The following KCNG4 variants were observed in gnomAD, a reference collection of about 807,000 sequenced individuals.
KCNG4 encodes potassium voltage-gated channel modifier subfamily G member 4, also known as voltage-gated potassium channel regulatory subunit KCNG4.
Under a neutral mutation model 28.2 loss-of-function variants are expected in KCNG4, and 30 were observed. That is an observed-to-expected ratio of 1.06 (90% CI 0.80 to 1.44). The LOEUF (loss-of-function observed/expected upper bound fraction) is 1.44. Ranked by LOEUF, KCNG4 falls within the 40% of genes most tolerant of loss-of-function variation. The pLI is 0.00. For synonymous variants in KCNG4, 375 were observed against 315.5 expected (o/e 1.19, Z -2.00); for missense variants, 879 against 712.3 (o/e 1.23, Z -2.66).
rs987338015 is a variant in KCNG4 at position 84,219,289 on chromosome 16, C to G, written c.*2928G>C. The G allele has an allele frequency of 6.6e-6, 1 of 152,472 alleles. No individual in the cohort carries two copies. Among genetic ancestry groups the G allele is most frequent in the African/African-American group, 2.4e-5 (1 of 41,462 alleles). 9.4% of individuals were successfully genotyped at this position (152,472 alleles called of 1,614,324 possible). On this transcript the variant is annotated 3_prime_UTR_variant, in exon 3 of 3. Transcript: ENST00000308251. ...GATCTAGTCCAACACCTGCCTGCAG[C>G]TAACTGAGGGGGAAGGGGCCTGCCC...
Position 84,222,144 on chromosome 16 carries a change from G to T in KCNG4, c.*73C>A. The T allele has an allele frequency of 6.7e-7, 1 of 1,487,136 alleles. No homozygotes were observed. Among genetic ancestry groups the T allele is most frequent in the Non-Finnish European group, 9.3e-7 (1 of 1,076,586 alleles). The allele number at this position is 1,487,136 out of a possible 1,614,324, so 92.1% of individuals were successfully genotyped here. A position where few individuals can be genotyped will look rare whatever the true frequency, so the allele number is the denominator to read the frequency against. Reference sequence around the variant, plus strand: ...CTAGAAACACCACCAGGTGGTCTATGCGGGGTACCCTTGAGTGTGTTTCAG... The same window carrying T: ...CTAGAAACACCACCAGGTGGTCTATTCGGGGTACCCTTGAGTGTGTTTCAG... On this transcript the variant is annotated 3_prime_UTR_variant, in exon 3 of 3. Transcript: ENST00000308251.
At chr16:84,223,834 C>T (rs1904634866) in intron 2 of KCNG4, among the ~76,000 whole-genome samples, 1 of 152,174 alleles carries the variant, frequency 6.6e-6, no homozygotes. Flanking sequence ...CCCGGGCATT[C>T]TGTGACTAGA....
At chr16:84,224,403 T>TACACACACACACACACATACACAC (rs568895266) in intron 2 of KCNG4, among the ~76,000 whole-genome samples, 7 of 58,642 alleles carry the variant, frequency 1.2e-4, no homozygotes, top group Non-Finnish European at 2.5e-4. Flanking sequence ...TATACATATT[T>TACACACACACACACACATACACAC]ACACACACAC....
chr16:84,235,495 G>A (rs8043973), intron 2 of KCNG4: 1 of 152,258 alleles, frequency 6.6e-6, no homozygotes, highest in African/African-American at 2.4e-5. Flanking sequence ...AAAACAAGCT[G>A]TTTAAAGGTC....
rs966070641 is a variant in KCNG4, at chr16:84,220,087, A to C, written c.*2130T>G. The C allele has an allele frequency of 6.6e-6, 1 of 152,068 alleles. No homozygotes were observed. Among genetic ancestry groups the C allele is most frequent in the South Asian group, 2.1e-4 (1 of 4,826 alleles). The allele number at this position is 152,068 out of a possible 1,614,324, so 9.4% of individuals were successfully genotyped here. ...ATAAATAAATAAATAAATAAGTAAT[A>C]AATAAAATGTTACTCTGGAACAGAA... is the stretch of plus-strand genomic sequence containing the variant. On this transcript the variant is annotated 3_prime_UTR_variant, in exon 3 of 3. Coordinates refer to ENST00000308251, the MANE Select transcript of KCNG4 (RefSeq NM_172347.3).
intron 2 of KCNG4, among the ~76,000 whole-genome samples, chr16:84,224,599 C>T (rs1321141691): frequency 1.3e-5 from 2 of 152,190 alleles, no homozygotes; most frequent in Non-Finnish European, 2.9e-5. Context: ...TTGAAATGTT[C>T]TTTATGCCTG....
intron 2 of KCNG4, among the ~76,000 whole-genome samples, chr16:84,233,078 T>C (rs1453849038): frequency 6.6e-6 from 1 of 151,936 alleles, no homozygotes; most frequent in African/African-American, 2.4e-5. Context: ...AATGAATGAA[T>C]GAATGAATGA....
chr16:84,225,133 T>C (rs1329838108), intron 2 of KCNG4, among the ~76,000 whole-genome samples: 1 of 152,116 alleles, frequency 6.6e-6, no homozygotes. Flanking sequence ...CACAGTCTCC[T>C]GGTCAGTGTA....
chr16:84,222,085 A>T lies in KCNG4; in HGVS notation c.*132T>A. 1 of 987,628 alleles carries T rather than the reference A, an allele frequency of 1.0e-6. No homozygotes were observed. Among genetic ancestry groups the T allele is most frequent in the Non-Finnish European group, 1.5e-6 (1 of 649,850 alleles). 61.2% of individuals were successfully genotyped at this position (987,628 alleles called of 1,614,324 possible). A position where few individuals can be genotyped will look rare whatever the true frequency, so the allele number is the denominator to read the frequency against. ...ACAGACACACAGCCTCTGTGGCCTT[A>T]TGCCCCTCCAGCTTTGAAAGTCTTC... is the stretch of plus-strand genomic sequence containing the variant. On this transcript the variant is annotated 3_prime_UTR_variant, in exon 3 of 3. Transcript: ENST00000308251.
chr16:84,232,489 C>G (rs904276399), intron 2 of KCNG4, among the ~76,000 whole-genome samples: 10 of 152,144 alleles, frequency 6.6e-5, no homozygotes, highest in African/African-American at 2.2e-4. Flanking sequence ...TGAGAAAAAG[C>G]TTTGGAACTA....
rs1481379381 is a variant in KCNG4 at position 84,237,020 on chromosome 16, G to C, written c.466C>G (p.His156Asp). 1.2e-6 allele frequency: 2 copies of C among 1,613,840 alleles called. No homozygotes were observed. The highest frequency in any genetic ancestry group is 2.2e-5 in the East Asian group (1 of 44,884). Residue 156 changes from histidine (H) to aspartate (D), a missense_variant, in exon 2 of 3, where the codon CAC (histidine) becomes GAC (aspartate). Coordinates refer to ENST00000308251, the MANE Select transcript of KCNG4 (RefSeq NM_172347.3). The part of the protein sequence containing the change: ...ELAYWGIEEA[H>D]LERCCLRKLL... ...TTCCGCAGGCAGCACCTCTCCAGGT[G>C]GGCCTCCTCGATGCCCCAGTAGGCC...
rs1171277974 is a variant in KCNG4, at chr16:84,222,179, T to G, written c.*38A>C. The G allele has an allele frequency of 2.5e-6, 4 of 1,596,072 alleles. No individual in the cohort carries two copies. The Admixed American group carries it at 5.0e-5, about 20-fold the overall frequency. ...CTTGAGTGTGTTTCAGGCAGGGTGATGGGTTGAGGTTACCATGTAGTCATG... is the reference window on the plus strand; with the variant it reads ...CTTGAGTGTGTTTCAGGCAGGGTGAGGGGTTGAGGTTACCATGTAGTCATG... On this transcript the variant is annotated 3_prime_UTR_variant, in exon 3 of 3. Transcript: ENST00000308251.
At chr16:84,227,942 G>T (rs1345627061) in intron 2 of KCNG4, among the ~76,000 whole-genome samples, 1 of 152,166 alleles carries the variant, frequency 6.6e-6, no homozygotes, top group Non-Finnish European at 1.5e-5. Flanking sequence ...AGCAGTGATG[G>T]CTGCACAGCT....
Position 84,222,551 on chromosome 16 carries a change from T to C in KCNG4, c.1226A>G (p.Tyr409Cys), listed in dbSNP as rs1567623221. 7 of 1,613,456 alleles carry C rather than the reference T, an allele frequency of 4.3e-6. No homozygotes were observed. The highest frequency in any genetic ancestry group is 2.2e-5 in the East Asian group (1 of 44,860). ...VLEFTSIPAS[Y>C]WWAIISMTTV... ...TGTCATGGAGATGATGGCCCACCAA[T>C]AGGAGGCGGGGATGCTGGTGAACTC... Residue 409 changes from tyrosine (Y) to cysteine (C), a missense_variant, in exon 3 of 3, where the codon TAT becomes TGT. Transcript: ENST00000308251.
intron 2 of KCNG4, among the ~76,000 whole-genome samples, chr16:84,228,020 T>C (rs1449466842): frequency 6.6e-6 from 1 of 152,200 alleles, no homozygotes; most frequent in Non-Finnish European, 1.5e-5. Flanking sequence ...ATGGGAGTTA[T>C]CGTCGGAGTC....
At chr16:84,227,637 T>G (rs1390952690) in intron 2 of KCNG4, among the ~76,000 whole-genome samples, 1 of 152,086 alleles carries the variant, frequency 6.6e-6, no homozygotes, top group African/African-American at 2.4e-5. Flanking sequence ...CATGGTAGTA[T>G]TATTCATAAT....
intron 2 of KCNG4, among the ~76,000 whole-genome samples, chr16:84,225,678 A>G (rs1254690840): frequency 6.6e-6 from 1 of 152,160 alleles, no homozygotes; most frequent in Non-Finnish European, 1.5e-5. Context: ...CAGGAAGGTG[A>G]CTCCTGAGAG....
rs182602310 is a variant in KCNG4, at chr16:84,222,700, C to T, written c.1077G>A (p.Thr359=). 1.1e-5 allele frequency: 17 copies of T among 1,613,272 alleles called. No homozygotes were observed. The highest frequency in any genetic ancestry group is 8.3e-5 in the Admixed American group (5 of 59,964). Residue 359 remains threonine, a synonymous_variant, in exon 3 of 3, where the codon ACG becomes ACA. Transcript: ENST00000308251. ...RLARHSLGLQ[T]LGLTVRRCTR... Reference sequence around the variant, plus strand: ...TGCAACGGCGCACGGTGAGCCCCAGCGTCTGCAGCCCCAGCGAGTGGCGAG... The same window carrying T: ...TGCAACGGCGCACGGTGAGCCCCAGTGTCTGCAGCCCCAGCGAGTGGCGAG...
chr16:84,222,588 C>G lies in KCNG4; in HGVS notation c.1189G>C (p.Gly397Arg), dbSNP rs374161403. 3.1e-5 allele frequency: 50 copies of G among 1,613,266 alleles called. No homozygotes were observed. Among genetic ancestry groups the G allele is most frequent in the East Asian group, 2.5e-4 (11 of 44,870 alleles). Residue 397 changes from glycine (G) to arginine (R), a missense_variant, in exon 3 of 3, where the codon GGG (glycine) becomes CGG (arginine). Coordinates refer to ENST00000308251, the MANE Select transcript of KCNG4 (RefSeq NM_172347.3). The stretch of plus-strand genomic sequence containing the variant: ...ATGCTGGTGAACTCCAGCACCCGCC[C>G]GGACTCCTTCTCGGCCACGTAGACC... ...PLVYVAEKESGRVLEFTSIPA... is the reference protein window; with the variant it reads ...PLVYVAEKESRRVLEFTSIPA...
Sources: allele counts gnomAD v4.1 joint callset (sites outside exome capture counted in the v4.1 genomes callset), GRCh38; gene constraint gnomAD v4.1.1; transcripts MANE v1.5; gene names NCBI Gene and HGNC (gene_info 2026-07-23, HGNC 2026-07-21).